Variants in MACROD2 observed in about 807,000 individuals in gnomAD.
The protein encoded by MACROD2 is mono-ADP ribosylhydrolase 2.
A neutral mutation model predicts 70.4 loss-of-function variants in MACROD2; 36 were observed. The ratio of observed to expected loss-of-function variants is 0.51; its 90% CI spans 0.39 to 0.68. The LOEUF (loss-of-function observed/expected upper bound fraction) is 0.68. Among genes scored for constraint, MACROD2 ranks in the 30% least tolerant of loss-of-function variants. The pLI is 0.00. For synonymous variants in MACROD2, 172 were observed against 178.8 expected (o/e 0.96, Z 0.30); for missense variants, 496 against 538.4 (o/e 0.92, Z 0.78).
chr20:14,881,256 C>T (rs1046774784), intron 5 of MACROD2, among the ~76,000 whole-genome samples: 1 of 150,200 alleles, frequency 6.7e-6, no homozygotes, highest in African/African-American at 2.5e-5. Flanking sequence ...TTCTTTCATG[C>T]ATTCCCTTCT....
intron 5 of MACROD2, among the ~76,000 whole-genome samples, chr20:15,078,896 T>G (rs1374729834): frequency 2.0e-5 from 3 of 152,080 alleles, no homozygotes; most frequent in Admixed American, 6.6e-5. Flanking sequence ...TCCACCTGGC[T>G]TAGCCTCCCA....
At chr20:15,661,192 C>A (rs2146816499) in intron 8 of MACROD2, among the ~76,000 whole-genome samples, 1 of 152,168 alleles carries the variant, frequency 6.6e-6, no homozygotes, top group East Asian at 1.9e-4. Context: ...CTACTCAAAT[C>A]TTGTGGGTAG....
At position 15,492,743 on chromosome 20, in the gene MACROD2, G is replaced by A. The variant is rs891083329; in HGVS notation, c.572-7031G>A. ...ATATTTTTATTTTGAGGGTGTGCACGTGAATAAAAATAACACGGTGCCATG... is the reference window on the plus strand; with the variant it reads ...ATATTTTTATTTTGAGGGTGTGCACATGAATAAAAATAACACGGTGCCATG... On this transcript the variant is annotated intron_variant, in intron 7 of 17. Transcript: ENST00000684519. Among the ~76,000 whole-genome samples the A allele has an allele frequency of 3.3e-5, 5 of 152,148 alleles. No individual in the cohort carries two copies. The South Asian group carries it at 8.3e-4, about 25-fold the overall frequency.
chr20:15,265,107 T>C (rs2146053393), intron 6 of MACROD2, among the ~76,000 whole-genome samples: 1 of 152,328 alleles, frequency 6.6e-6, no homozygotes, highest in South Asian at 2.1e-4. Context: ...GAAATAGGTA[T>C]ACTTGATTTA....
intron 8 of MACROD2, among the ~76,000 whole-genome samples, chr20:15,746,082 T>G (rs1218756662): frequency 2.6e-5 from 4 of 152,178 alleles, no homozygotes; most frequent in African/African-American, 9.7e-5. Flanking sequence ...GGGTTTTGAT[T>G]AGGATTGCCT....
intron 4 of MACROD2, among the ~76,000 whole-genome samples, chr20:14,557,998 C>T (rs550506017): frequency 6.6e-6 from 1 of 151,538 alleles, no homozygotes; most frequent in African/African-American, 2.4e-5. Flanking sequence ...AATGGATAAA[C>T]AAAATATATC....
intron 5 of MACROD2, among the ~76,000 whole-genome samples, chr20:14,949,906 C>T (rs59990225): frequency 6.6e-6 from 1 of 152,054 alleles, no homozygotes; most frequent in East Asian, 1.9e-4. Flanking sequence ...AACTGAAGCT[C>T]AAAGAAACCA....
At chr20:14,818,046 G>A (rs2072793445) in intron 5 of MACROD2, among the ~76,000 whole-genome samples, 1 of 152,102 alleles carries the variant, frequency 6.6e-6, no homozygotes, top group African/African-American at 2.4e-5. Flanking sequence ...CACCCAAAGT[G>A]TTATTTTTAT....
chr20:15,821,904 A>C (rs1850643865), intron 8 of MACROD2, among the ~76,000 whole-genome samples: 1 of 152,164 alleles, frequency 6.6e-6, no homozygotes, highest in Non-Finnish European at 1.5e-5. Flanking sequence ...CCATATGAAG[A>C]GTGTGAAAAC....
intron 3 of MACROD2, among the ~76,000 whole-genome samples, chr20:14,330,390 C>G (rs1239286171): frequency 6.6e-6 from 1 of 151,886 alleles, no homozygotes; most frequent in Non-Finnish European, 1.5e-5. Context: ...ATATGTGACC[C>G]TCAAAGTAAG....
At chr20:15,575,175 G>T (rs1289291748) in intron 8 of MACROD2, among the ~76,000 whole-genome samples, 2 of 152,024 alleles carry the variant, frequency 1.3e-5, no homozygotes, top group African/African-American at 4.8e-5. Context: ...TTTTTGTTTT[G>T]TTATATTTTT....
rs541622642 is a variant in MACROD2, at chr20:15,649,041, T to C, written c.645+149194T>C. On this transcript the variant is annotated intron_variant, in intron 8 of 17. Coordinates refer to ENST00000684519, the MANE Select transcript of MACROD2 (RefSeq NM_001351661.2). ...ATGTATCTGGAACTGGATCTGTTTC[T>C]TTCTTTCTTTGCTTTTTTCTTTTCT... 2.7e-5 allele frequency among the ~76,000 whole-genome samples: 4 copies of C among 150,702 alleles called. No individual in the cohort carries two copies. In the East Asian group the frequency reaches 8.0e-4, roughly 30 times the overall value.
chr20:15,532,089 A>T (rs1190571278), intron 8 of MACROD2, among the ~76,000 whole-genome samples: 1 of 152,090 alleles, frequency 6.6e-6, no homozygotes, highest in East Asian at 1.9e-4. Context: ...GTAGTAAGTC[A>T]ATTTTAACTT....
At chr20:15,761,904 A>T (rs957799397) in intron 8 of MACROD2, among the ~76,000 whole-genome samples, 1 of 152,126 alleles carries the variant, frequency 6.6e-6, no homozygotes, top group Non-Finnish European at 1.5e-5. Context: ...AAATTTCCCT[A>T]TTTACACACA....
In MACROD2 at chr20:14,996,671, A is replaced by G. The variant is rs575718487; in HGVS notation, c.419-233269A>G. Among the ~76,000 whole-genome samples, 3 of 152,206 alleles carry G rather than the reference A, an allele frequency of 2.0e-5. No homozygotes were observed. The South Asian group carries it at 6.2e-4, about 32-fold the overall frequency. On this transcript the variant is annotated intron_variant, in intron 5 of 17. Coordinates refer to ENST00000684519, the MANE Select transcript of MACROD2 (RefSeq NM_001351661.2). The stretch of plus-strand genomic sequence containing the variant: ...AGCAGCAGTGGGCTGCTTGGCGCAG[A>G]GAGATAATTTGTGCTTGGGAAAAGG...
At chr20:15,892,824 G>A (rs911700955) in intron 10 of MACROD2, 10 of 395,000 alleles carry the variant, frequency 2.5e-5, no homozygotes, top group South Asian at 2.7e-4. Context: ...AAGATTCAGC[G>A]TGTGTGTAGG....
chr20:14,747,518 A>G (rs939724562), intron 5 of MACROD2, among the ~76,000 whole-genome samples: 3 of 152,100 alleles, frequency 2.0e-5, no homozygotes, highest in Admixed American at 6.5e-5. Flanking sequence ...CCCCTTTACA[A>G]TTTCAGAGTC....
At chr20:15,278,195 G>C (rs192790003) in intron 6 of MACROD2, among the ~76,000 whole-genome samples, 13 of 152,266 alleles carry the variant, frequency 8.5e-5, no homozygotes, top group Admixed American at 2.0e-4. Context: ...GAAGGATAAA[G>C]CTTTTTGCCC....
chr20:14,392,821 C>T (rs1316983077), intron 3 of MACROD2, among the ~76,000 whole-genome samples: 2 of 152,090 alleles, frequency 1.3e-5, no homozygotes, highest in African/African-American at 4.8e-5. Context: ...GGATGCATGC[C>T]TCTTAAGCTG....
Sources: allele counts gnomAD v4.1 joint callset (sites outside exome capture counted in the v4.1 genomes callset), GRCh38; gene constraint gnomAD v4.1.1; transcripts MANE v1.5; gene names NCBI Gene and HGNC (gene_info 2026-07-23, HGNC 2026-07-21).